CNFN: variants seen among roughly 807,000 people sequenced by gnomAD.
CNFN encodes cornifelin.
A neutral mutation model predicts 14.9 loss-of-function variants in CNFN; 10 were observed. The ratio of observed to expected loss-of-function variants is 0.67; its 90% CI spans 0.41 to 1.14. The LOEUF (loss-of-function observed/expected upper bound fraction) is 1.14, where lower values mean the gene tolerates loss of function less well. Among genes scored for constraint, CNFN ranks in the 50% most tolerant of loss-of-function variants. The pLI, the probability that CNFN is intolerant of heterozygous loss-of-function variation, is 0.00. For missense variants in CNFN, 165 were observed against 152.8 expected, an observed-to-expected ratio of 1.08 and a Z score of -0.42; for synonymous variants, 66 against 60.0, an observed-to-expected ratio of 1.10 and a Z score of -0.46.
chr19:42,388,906 G>C lies in CNFN; in HGVS notation c.112+20C>G. On this transcript the variant is annotated intron_variant, in intron 2 of 3. Transcript: ENST00000222032. Reference sequence around the variant, plus strand: ...ACCCATCTTCCACCAGGCCTGGAGAGGGAGCAGGCAGGCACTCACAGACAG... The same window carrying C: ...ACCCATCTTCCACCAGGCCTGGAGACGGAGCAGGCAGGCACTCACAGACAG... The C allele has an allele frequency of 6.4e-7, 1 of 1,567,994 alleles. No individual in the cohort carries two copies. Among genetic ancestry groups the C allele is most frequent in the South Asian group, 1.1e-5 (1 of 89,630 alleles).
chr19:42,388,799 T>C (rs1428765008), intron 2 of CNFN, 127 bp downstream of exon 2: 2 of 649,572 alleles, frequency 3.1e-6, no homozygotes, highest in East Asian at 5.6e-5. Flanking sequence ...GAATTCCAAG[T>C]CCAGGGAAGG....
intron 2 of CNFN, among the ~76,000 whole-genome samples, chr19:42,388,356 T>G (rs1354829338): frequency 2.8e-5 from 3 of 107,612 alleles, no homozygotes; most frequent in African/African-American, 1.6e-4. Context: ...CCACGCCCGG[T>G]TTTTTTTTTT....
chr19:42,388,521 G>A (rs1431348658), intron 2 of CNFN, among the ~76,000 whole-genome samples: 3 of 152,088 alleles, frequency 2.0e-5, no homozygotes, highest in Non-Finnish European at 4.4e-5. Flanking sequence ...TTGTAGAGAT[G>A]GGGATCTCAT....
chr19:42,389,653 C>CCTG, intron 1 of CNFN: 1 of 411,348 alleles, frequency 2.4e-6, no homozygotes, highest in South Asian at 2.5e-5. Flanking sequence ...GGGGGCTGGG[C>CCTG]TCTCAGGGGG....
chr19:42,389,668 G>T (rs2147533824), intron 1 of CNFN: 1 of 456,596 alleles, frequency 2.2e-6, no homozygotes, highest in Admixed American at 2.6e-5. Context: ...AGGGGGAGGG[G>T]AGCTGGGGAG....
chr19:42,387,574 G>A, intron 2 of CNFN, 98 bp from the exon 3 acceptor site: 1 of 851,884 alleles, frequency 1.2e-6, no homozygotes, highest in Non-Finnish European at 1.8e-6. Context: ...GAGGGGCATT[G>A]AGGGTCCCAG....
chr19:42,387,498 AG>A (rs1468503920), intron 2 of CNFN, 22 bp from the exon 3 acceptor site: 5 of 1,528,958 alleles, frequency 3.3e-6, no homozygotes, highest in Non-Finnish European at 4.4e-6. Flanking sequence ...GCAGGCGCTC[AG>A]GGGCGGGGCC....
At chr19:42,388,819 G>T in intron 2 of CNFN, 107 bp downstream of exon 2, 3 of 723,924 alleles carry the variant, frequency 4.1e-6, no homozygotes, top group Non-Finnish European at 7.0e-6. Context: ...GGAGGTGGGA[G>T]TGGGGTTAGC....
At chr19:42,388,357 T>A (rs1175103549) in intron 2 of CNFN, among the ~76,000 whole-genome samples, 1 of 112,524 alleles carries the variant, frequency 8.9e-6, no homozygotes, top group African/African-American at 5.0e-5. Context: ...CACGCCCGGT[T>A]TTTTTTTTTG....
intron 2 of CNFN, 56 bp downstream of exon 2, chr19:42,388,870 A>T: frequency 7.5e-7 from 1 of 1,332,206 alleles, no homozygotes; most frequent in Non-Finnish European, 1.1e-6. Flanking sequence ...CCCTCTCCTG[A>T]TTCCCCCCAA....
Position 42,387,455 on chromosome 19 carries a change from G to C in CNFN, c.134C>G (p.Pro45Arg). The change falls in exon 3 of 4, where the codon CCT becomes CGT. Residue 45 changes from proline (P) to arginine (R), a missense_variant. Physicochemically the swap from Pro to Arg is moderately radical, Grantham distance 103. Coordinates refer to ENST00000222032, the MANE Select transcript of CNFN (RefSeq NM_032488.4). Reference sequence around the variant, plus strand: ...GGAGATGCGGCAGGCAAGGCACAGAGGAGCAAAAGTGCCGCACAGACCTGG... The same window carrying C: ...GGAGATGCGGCAGGCAAGGCACAGACGAGCAAAAGTGCCGCACAGACCTGG... ...MPVCLCGTFA[P>R]LCLACRISDD... The C allele has an allele frequency of 6.3e-7, 1 of 1,592,348 alleles. No homozygotes were observed. The highest frequency in any genetic ancestry group is 2.3e-5 in the East Asian group (1 of 43,594).
At position 42,389,096 on chromosome 19, in the gene CNFN, C is replaced by A. The variant is rs538074791; in HGVS notation, c.-2-57G>T. 7.6e-6 allele frequency: 10 copies of A among 1,316,654 alleles called. No homozygotes were observed. In the African/African-American group the frequency reaches 1.4e-4, roughly 19 times the overall value. 81.6% of individuals were successfully genotyped at this position (1,316,654 alleles called of 1,614,324 possible). Reference sequence around the variant, plus strand: ...CAGCCTCGCAGCATCTCCTGGGCCCCGCACTTCGGCCACCCTTCCCTGTGC... The same window carrying A: ...CAGCCTCGCAGCATCTCCTGGGCCCAGCACTTCGGCCACCCTTCCCTGTGC... On this transcript the variant is annotated intron_variant, in intron 1 of 3. Coordinates refer to ENST00000222032, the MANE Select transcript of CNFN (RefSeq NM_032488.4).
intron 1 of CNFN, 101 bp downstream of exon 1, chr19:42,390,139 T>C (rs1055418269): frequency 1.3e-5 from 2 of 155,592 alleles, no homozygotes; most frequent in Non-Finnish European, 2.9e-5. Flanking sequence ...CAATCAGCGA[T>C]ATGAAAGGAG....
intron 2 of CNFN, among the ~76,000 whole-genome samples, chr19:42,387,861 T>C (rs1370546864): frequency 6.7e-6 from 1 of 150,252 alleles, no homozygotes; most frequent in Non-Finnish European, 1.5e-5. Context: ...GTGCCTGTAA[T>C]CTCAGCTACT....
At chr19:42,390,213 A>G (rs1226435314) in intron 1 of CNFN, 27 bp downstream of exon 1, 1 of 153,104 alleles carries the variant, frequency 6.5e-6, no homozygotes, top group East Asian at 1.9e-4. Flanking sequence ...ACCTCAAAGA[A>G]GAGGGCTGCG....
chr19:42,387,979 C>CAAAAAAAAAAAAAAA (rs200969895), intron 2 of CNFN, among the ~76,000 whole-genome samples: 1 of 30,934 alleles, frequency 3.2e-5, no homozygotes, highest in African/African-American at 1.3e-4. Context: ...TACTCCGTCT[C>CAAAAAAAAAAAAAAA]AAAAAAAACA....
chr19:42,388,834 G>A lies in CNFN; in HGVS notation c.112+92C>T, dbSNP rs937172331. ...GGAGGTGGGAGTGGGGTTAGCAAGC[G>A]GTGGGAGGAGGTTGGAGGTGAGCTT... On this transcript the variant is annotated intron_variant, in intron 2 of 3. Transcript: ENST00000222032. 124 of 845,332 alleles carry A rather than the reference G, an allele frequency of 1.5e-4. No homozygotes were observed. The East Asian group carries it at 3.0e-3, about 21-fold the overall frequency. 52.4% of individuals were successfully genotyped at this position (845,332 alleles called of 1,614,324 possible).
At chr19:42,387,973 C>A (rs2039867149) in intron 2 of CNFN, among the ~76,000 whole-genome samples, 1 of 139,216 alleles carries the variant, frequency 7.2e-6, no homozygotes, top group African/African-American at 2.8e-5. Flanking sequence ...GAGCAATACT[C>A]CGTCTCAAAA....
In CNFN at chr19:42,387,030, GT is replaced by G; in HGVS notation, c.*122del. The G allele has an allele frequency of 1.0e-6, 1 of 976,742 alleles. No homozygotes were observed. Among genetic ancestry groups the G allele is most frequent in the South Asian group, 1.4e-5 (1 of 69,516 alleles). 60.5% of individuals were successfully genotyped at this position (976,742 alleles called of 1,614,324 possible). A position where few individuals can be genotyped will look rare whatever the true frequency, so the allele number is the denominator to read the frequency against. On this transcript the variant is annotated 3_prime_UTR_variant, in exon 4 of 4. Transcript: ENST00000222032. Reference sequence around the variant, plus strand: ...GGATGTAGGCGGAGTTGGTTTTCAGGTTTTTATTGTGGGTGTATTTCTGGCA... The same window carrying G: ...GGATGTAGGCGGAGTTGGTTTTCAGGTTTTATTGTGGGTGTATTTCTGGCA...
Sources: gnomAD v4.1 joint callset for allele counts (sites outside exome capture counted in the v4.1 genomes callset) on GRCh38, gnomAD v4.1.1 for gene constraint, MANE v1.5 for transcripts, NCBI Gene and HGNC (gene_info 2026-07-23, HGNC 2026-07-21) for gene names.